The following KCNB2 variants were observed in gnomAD, a reference collection of about 807,000 sequenced individuals.
KCNB2 encodes the protein delayed rectifier potassium channel protein.
A neutral mutation model predicts 61.5 loss-of-function variants in KCNB2; 15 were observed. The ratio of observed to expected loss-of-function variants is 0.24; its 90% CI spans 0.16 to 0.38. KCNB2 has a LOEUF of 0.38. Among genes scored for constraint, KCNB2 ranks in the 10% least tolerant of loss-of-function variants. The pLI is 1.00. For synonymous variants in KCNB2, 457 were observed against 446.0 expected, an observed-to-expected ratio of 1.02 and a Z score of -0.31; for missense variants, 828 against 1,125.2, an observed-to-expected ratio of 0.74 and a Z score of 3.78.
intron 2 of KCNB2, among the ~76,000 whole-genome samples, chr8:72,857,276 T>C (rs1345425391): frequency 4.0e-5 from 6 of 151,558 alleles, no homozygotes; most frequent in African/African-American, 1.5e-4. Context: ...TAAGGAAGAG[T>C]CATTGAGGTG....
Position 72,561,785 on chromosome 8 carries a change from A to G in KCNB2, c.-93-5857A>G, listed in dbSNP as rs1387531535. ...TGGATATATATATATATGGATATATATATACATATATATATATATGAATGA... is the reference window on the plus strand; with the variant it reads ...TGGATATATATATATATGGATATATGTATACATATATATATATATGAATGA... On this transcript the variant is annotated intron_variant, in intron 1 of 2. Transcript: ENST00000523207. 1.3e-3 allele frequency among the ~76,000 whole-genome samples: 91 copies of G among 72,480 alleles called. 19 individuals carry two copies. Among genetic ancestry groups the G allele is most frequent in the South Asian group, 1.5e-3 (4 of 2,698 alleles). 47.5% of individuals were successfully genotyped at this position (72,480 alleles called of 152,430 possible). A position where few individuals can be genotyped will look rare whatever the true frequency, so the allele number is the denominator to read the frequency against.
intron 2 of KCNB2, among the ~76,000 whole-genome samples, chr8:72,761,070 A>G (rs1025240734): frequency 5.3e-5 from 8 of 152,188 alleles, no homozygotes; most frequent in African/African-American, 1.7e-4. Context: ...CATTATGACT[A>G]TCAACAGCAG....
intron 2 of KCNB2, among the ~76,000 whole-genome samples, chr8:72,855,388 G>A (rs2129003604): frequency 6.6e-6 from 1 of 152,160 alleles, no homozygotes; most frequent in Middle Eastern, 3.4e-3. Context: ...AGCAAAGTTG[G>A]TGCATACCAT....
At chr8:72,789,102 G>C (rs902085401) in intron 2 of KCNB2, among the ~76,000 whole-genome samples, 22 of 152,130 alleles carry the variant, frequency 1.4e-4, no homozygotes, top group Non-Finnish European at 2.9e-4. Context: ...TAATTGTGAC[G>C]AGCCAGAAAC....
At chr8:72,687,712 G>C (rs1381777377) in intron 2 of KCNB2, among the ~76,000 whole-genome samples, 1 of 152,176 alleles carries the variant, frequency 6.6e-6, no homozygotes, top group African/African-American at 2.4e-5. Context: ...CCTTATGCAA[G>C]TGATGGTTCT....
At position 72,832,816 on chromosome 8, in the gene KCNB2, C is replaced by G. The variant is rs561626520; in HGVS notation, c.580-103119C>G. On this transcript the variant is annotated intron_variant, in intron 2 of 2. Coordinates refer to ENST00000523207, the MANE Select transcript of KCNB2 (RefSeq NM_004770.3). The stretch of plus-strand genomic sequence containing the variant: ...GAAGGCCAAGTGACACCTATATACA[C>G]AGTGGGTTTCTTTATAGGAGAGAAA... Among the ~76,000 whole-genome samples the G allele has an allele frequency of 8.5e-5, 13 of 152,326 alleles. No homozygotes were observed. The South Asian group carries it at 2.5e-3, about 29-fold the overall frequency.
chr8:72,595,202 C>G (rs549994319), intron 2 of KCNB2, among the ~76,000 whole-genome samples: 1 of 152,206 alleles, frequency 6.6e-6, no homozygotes, highest in African/African-American at 2.4e-5. Flanking sequence ...CCATCATTTC[C>G]CACTCTGTTC....
chr8:72,552,837 A>G (rs541370415), intron 1 of KCNB2, among the ~76,000 whole-genome samples: 3 of 152,016 alleles, frequency 2.0e-5, no homozygotes, highest in Non-Finnish European at 4.4e-5. Flanking sequence ...TATCTATGTC[A>G]TATGACTGTC....
chr8:72,544,987 T>A (rs1806238284), intron 1 of KCNB2, among the ~76,000 whole-genome samples: 1 of 152,192 alleles, frequency 6.6e-6, no homozygotes. Flanking sequence ...ATGCAACCTC[T>A]GGGTGGGAGG....
chr8:72,631,572 A>G lies in KCNB2; in HGVS notation c.579+63259A>G, dbSNP rs570501707. Among the ~76,000 whole-genome samples, 8 of 152,312 alleles carry G rather than the reference A, an allele frequency of 5.3e-5. No individual in the cohort carries two copies. In the East Asian group the frequency reaches 1.4e-3, roughly 26 times the overall value. On this transcript the variant is annotated intron_variant, in intron 2 of 2. Transcript: ENST00000523207. Reference sequence around the variant, plus strand: ...TTTTAGCTTGATTACATTGGTAAAGACCATATTTCTGAATGAGGTCACATT... The same window carrying G: ...TTTTAGCTTGATTACATTGGTAAAGGCCATATTTCTGAATGAGGTCACATT...
At chr8:72,672,590 A>G (rs1340026635) in intron 2 of KCNB2, among the ~76,000 whole-genome samples, 3 of 152,170 alleles carry the variant, frequency 2.0e-5, no homozygotes, top group African/African-American at 4.8e-5. Context: ...AATATAATCT[A>G]TAGTGAAAGG....
intron 2 of KCNB2, among the ~76,000 whole-genome samples, chr8:72,826,784 T>C (rs181019753): frequency 2.6e-5 from 4 of 152,346 alleles, no homozygotes; most frequent in Admixed American, 1.3e-4. Flanking sequence ...TCAGTAATTT[T>C]GAACACAAAG....
chr8:72,583,097 C>T (rs1197990923), intron 2 of KCNB2, among the ~76,000 whole-genome samples: 1 of 152,024 alleles, frequency 6.6e-6, no homozygotes, highest in Non-Finnish European at 1.5e-5. Context: ...AAATATTAGG[C>T]ATTCCTTTTT....
In KCNB2 at chr8:72,937,448, A is replaced by G. The variant is rs1563431342; in HGVS notation, c.2093A>G (p.Asp698Gly). The change falls in exon 3 of 3, where the codon GAC becomes GGC. Residue 698 changes from aspartate (D) to glycine (G), a missense_variant. This residue lies in a region of KCNB2 where 559 missense variants were observed against 588.4 expected (regional missense o/e 0.95). Coordinates refer to ENST00000523207, the MANE Select transcript of KCNB2 (RefSeq NM_004770.3). ...HSPLQSDNAT[D>G]SPKSSLKGSN... is the part of the protein sequence containing the mutation. ...CCTTTGCAGTCTGACAATGCCACCG[A>G]CAGTCCTAAGAGCTCTCTAAAAGGC... is the stretch of plus-strand genomic sequence containing the variant. 1 of 1,614,010 alleles carries G rather than the reference A, an allele frequency of 6.2e-7. No individual in the cohort carries two copies. Among genetic ancestry groups the G allele is most frequent in the African/African-American group, 1.3e-5 (1 of 75,000 alleles).
chr8:72,800,828 T>C (rs1267353648), intron 2 of KCNB2, among the ~76,000 whole-genome samples: 2 of 152,188 alleles, frequency 1.3e-5, no homozygotes, highest in African/African-American at 4.8e-5. Context: ...TTACAGTTAC[T>C]GATAATAAAA....
At chr8:72,836,765 G>C (rs1406427684) in intron 2 of KCNB2, among the ~76,000 whole-genome samples, 1 of 152,092 alleles carries the variant, frequency 6.6e-6, no homozygotes, top group African/African-American at 2.4e-5. Flanking sequence ...ATAAAAAATA[G>C]CTGGGCATGG....
At chr8:72,559,917 C>T (rs957147977) in intron 1 of KCNB2, among the ~76,000 whole-genome samples, 53 of 152,220 alleles carry the variant, frequency 3.5e-4, no homozygotes, top group African/African-American at 1.2e-3. Context: ...ACAAGTCATG[C>T]GACCTCAGTT....
At chr8:72,689,774 C>A (rs566513509) in intron 2 of KCNB2, among the ~76,000 whole-genome samples, 2 of 152,076 alleles carry the variant, frequency 1.3e-5, no homozygotes, top group Admixed American at 1.3e-4. Flanking sequence ...TAGAATATAT[C>A]GCATTTTATC....
At chr8:72,838,160 A>C (rs186465026) in intron 2 of KCNB2, among the ~76,000 whole-genome samples, 78 of 152,304 alleles carry the variant, frequency 5.1e-4, no homozygotes, top group African/African-American at 1.8e-3. Context: ...ACACATGCAC[A>C]ATGTGCAGGT....
Sources: allele counts gnomAD v4.1 joint callset (sites outside exome capture counted in the v4.1 genomes callset), GRCh38; gene constraint gnomAD v4.1.1; regional missense constraint gnomAD v4.1.1; transcripts MANE v1.5; gene names NCBI Gene and HGNC (gene_info 2026-07-23, HGNC 2026-07-21).